The following AGAP1 variants were observed in gnomAD, a reference collection of about 807,000 sequenced individuals.
AGAP1 encodes the protein arf-GAP with GTPase, ANK repeat and PH domain-containing protein 1.
AGAP1 carries 29 observed loss-of-function variants against 105.3 expected under a neutral mutation model. That is an observed-to-expected ratio of 0.28 (90% CI 0.21 to 0.38). AGAP1 has a LOEUF of 0.38. AGAP1 is among the 10% of genes least tolerant of loss of function. AGAP1 has a pLI of 1.00. For missense variants in AGAP1, 998 were observed against 1,165.1 expected (o/e 0.86, Z 2.09); for synonymous variants, 509 against 485.9 (o/e 1.05, Z -0.63).
intron 13 of AGAP1, among the ~76,000 whole-genome samples, chr2:235,995,021 C>T (rs1312493204): frequency 7.1e-5 from 5 of 70,276 alleles, no homozygotes; most frequent in Admixed American, 1.6e-4. Flanking sequence ...GAGCCGAGAT[C>T]GCGCCTTGCA....
Position 235,986,866 on chromosome 2 carries a change from CTT to C in AGAP1, c.1645+18247_1645+18248del, listed in dbSNP as rs536319049. On this transcript the variant is annotated intron_variant, in intron 13 of 17. Coordinates refer to ENST00000304032, the MANE Select transcript of AGAP1 (RefSeq NM_001037131.3). ...AAGTGTTTTGATGTGCTGCTGGACT[CTT>C]TTTGCCAGTATTTTGTTGAGGATTT... 3.1e-4 allele frequency among the ~76,000 whole-genome samples: 47 copies of C among 152,234 alleles called. No homozygotes were observed. The South Asian group carries it at 9.7e-3, about 32-fold the overall frequency.
At position 236,061,203 on chromosome 2, in the gene AGAP1, C is replaced by A. The variant is rs188826230; in HGVS notation, c.2114+11922C>A. ...AGGGAAATGCAGATCACCCTTGAGC[C>A]CCCACCGCACGTGCTCTTGGACGGT... On this transcript the variant is annotated intron_variant, in intron 16 of 17. Transcript: ENST00000304032. The surrounding 1 kb of genome is among the most constrained non-coding windows in gnomAD (Gnocchi z 4.1). Among the ~76,000 whole-genome samples, 1 of 152,140 alleles carries A rather than the reference C, an allele frequency of 6.6e-6. No homozygotes were observed. The highest frequency in any genetic ancestry group is 1.5e-5 in the Non-Finnish European group (1 of 68,038).
In AGAP1 at chr2:235,883,289, CCTTTT is replaced by C; in HGVS notation, c.1051-50_1051-46del. ...AATGTATATGTTGCCTGTGTACCTG[CCTTTT>C]CTTTTTTTTATTTACATTAGAATTT... On this transcript the variant is annotated intron_variant, in intron 9 of 17. Coordinates refer to ENST00000304032, the MANE Select transcript of AGAP1 (RefSeq NM_001037131.3). The surrounding 1 kb of genome is among the most constrained non-coding windows in gnomAD (Gnocchi z 4.5). 1.3e-6 allele frequency: 2 copies of C among 1,508,798 alleles called. No homozygotes were observed. Among genetic ancestry groups the C allele is most frequent in the Non-Finnish European group, 9.2e-7 (1 of 1,088,330 alleles). The allele number at this position is 1,508,798 out of a possible 1,614,324, so 93.5% of individuals were successfully genotyped here.
At chr2:235,571,284 A>G (rs1415074995) in intron 1 of AGAP1, among the ~76,000 whole-genome samples, 5 of 152,184 alleles carry the variant, frequency 3.3e-5, no homozygotes, top group Non-Finnish European at 1.5e-5. Context: ...AAGGATTCAC[A>G]CCATATCAGT....
At chr2:235,563,036 C>T (rs990606207) in intron 1 of AGAP1, among the ~76,000 whole-genome samples, 1 of 152,134 alleles carries the variant, frequency 6.6e-6, no homozygotes, top group African/African-American at 2.4e-5. Flanking sequence ...GGCAACAGAA[C>T]AAGACCCTAT....
At chr2:235,681,099 C>G (rs1224600208) in intron 1 of AGAP1, among the ~76,000 whole-genome samples, 1 of 152,146 alleles carries the variant, frequency 6.6e-6, no homozygotes, top group African/African-American at 2.4e-5. Context: ...AGCTCCGCCT[C>G]CCAGGTTCAC....
Position 235,633,463 on chromosome 2 carries a change from G to A in AGAP1, c.164-75716G>A, listed in dbSNP as rs145477142. Among the ~76,000 whole-genome samples, 4,864 of 152,160 alleles carry A rather than the reference G, an allele frequency of 0.032. 247 individuals are homozygous for A. Among genetic ancestry groups the A allele is most frequent in the African/African-American group, 0.11 (4,562 of 41,496 alleles). On this transcript the variant is annotated intron_variant, in intron 1 of 17. Transcript: ENST00000304032. This position sits in a 1 kb window ranked among gnomAD's most constrained non-coding sequence, Gnocchi z 4.8. ...ACAAAAATTAGCCAGGCATGGTGGC[G>A]GGCTCCTGTAATTCCAGCTACTCGG...
chr2:235,581,800 A>G (rs904914721), intron 1 of AGAP1, among the ~76,000 whole-genome samples: 1 of 152,142 alleles, frequency 6.6e-6, no homozygotes, highest in Admixed American at 6.5e-5. Context: ...GCGAGATTCC[A>G]TCTTCAAAAA....
At chr2:235,969,685 A>C (rs1038696154) in intron 13 of AGAP1, among the ~76,000 whole-genome samples, 8 of 152,260 alleles carry the variant, frequency 5.3e-5, no homozygotes, top group African/African-American at 1.9e-4. Context: ...ACGCAAACCC[A>C]CGGTGCGTGT....
Position 235,631,109 on chromosome 2 carries a change from A to G in AGAP1, c.164-78070A>G, listed in dbSNP as rs1463444286. Among the ~76,000 whole-genome samples the G allele has an allele frequency of 1.3e-5, 2 of 152,194 alleles. No homozygotes were observed. Among genetic ancestry groups the G allele is most frequent in the Non-Finnish European group, 2.9e-5 (2 of 68,034 alleles). ...GCAAATGCACTGGTAATGCCTGGAT[A>G]CCAGGGTTACACACTCAGGGAAAAT... is the stretch of plus-strand genomic sequence containing the variant. On this transcript the variant is annotated intron_variant, in intron 1 of 17. Coordinates refer to ENST00000304032, the MANE Select transcript of AGAP1 (RefSeq NM_001037131.3). This position sits in a 1 kb window ranked among gnomAD's most constrained non-coding sequence, Gnocchi z 5.4.
intron 6 of AGAP1, among the ~76,000 whole-genome samples, chr2:235,761,809 T>C (rs945589848): frequency 6.6e-6 from 1 of 152,010 alleles, no homozygotes; most frequent in Admixed American, 6.6e-5. Flanking sequence ...TTTTTTTCCT[T>C]AGGGAATATG....
At chr2:235,638,025 C>T (rs1947064267) in intron 1 of AGAP1, among the ~76,000 whole-genome samples, 3 of 152,190 alleles carry the variant, frequency 2.0e-5, no homozygotes, top group African/African-American at 7.2e-5. Flanking sequence ...GAGCTGTTAT[C>T]TCTTCCAGGA....
At chr2:235,933,012 G>A (rs1383554596) in intron 12 of AGAP1, among the ~76,000 whole-genome samples, 3 of 152,302 alleles carry the variant, frequency 2.0e-5, no homozygotes, top group East Asian at 1.9e-4. Context: ...CCCTGACCTC[G>A]TAAATCTTGA....
At chr2:235,652,176 CCTGACTGGTCAA>C (rs1947617377) in intron 1 of AGAP1, among the ~76,000 whole-genome samples, 1 of 152,142 alleles carries the variant, frequency 6.6e-6, no homozygotes, top group Non-Finnish European at 1.5e-5. Context: ...TAGTGACTTC[CCTGACTGGTCAA>C]CTGGAAGCTT....
chr2:235,533,598 A>G (rs1405516687), intron 1 of AGAP1, among the ~76,000 whole-genome samples: 2 of 152,254 alleles, frequency 1.3e-5, no homozygotes, highest in African/African-American at 2.4e-5. Context: ...ATCCTACTCC[A>G]GTATTTAAAA....
intron 1 of AGAP1, among the ~76,000 whole-genome samples, chr2:235,560,484 G>A (rs896379331): frequency 6.6e-6 from 1 of 152,088 alleles, no homozygotes; most frequent in Non-Finnish European, 1.5e-5. Context: ...GGGACTTTAC[G>A]GATGTGATTA....
intron 13 of AGAP1, among the ~76,000 whole-genome samples, chr2:236,015,047 G>T (rs1321037593): frequency 2.0e-5 from 3 of 152,024 alleles, no homozygotes; most frequent in Admixed American, 6.5e-5. Flanking sequence ...TCATCTTTTT[G>T]TTTGTGTGTT....
intron 6 of AGAP1, among the ~76,000 whole-genome samples, chr2:235,790,751 G>A (rs1477631122): frequency 1.3e-5 from 2 of 152,104 alleles, no homozygotes; most frequent in East Asian, 3.9e-4. Flanking sequence ...TCCAGTTGTT[G>A]TGTGCCCACT....
At chr2:235,590,267 GTCTT>G (rs1945282263) in intron 1 of AGAP1, among the ~76,000 whole-genome samples, 2 of 152,182 alleles carry the variant, frequency 1.3e-5, no homozygotes. Context: ...GTAGTTTTTA[GTCTT>G]TCTTAAAATA....
Sources: allele counts gnomAD v4.1 joint callset (sites outside exome capture counted in the v4.1 genomes callset), GRCh38; gene constraint gnomAD v4.1.1; non-coding constraint Gnocchi (gnomAD v3.1); transcripts MANE v1.5; gene names NCBI Gene and HGNC (gene_info 2026-07-23, HGNC 2026-07-21).